The following SCHIP1 variants were observed in gnomAD, a reference collection of about 807,000 sequenced individuals.
The protein encoded by SCHIP1 is schwannomin-interacting protein 1.
SCHIP1 carries 8 observed loss-of-function variants against 29.7 expected under a neutral mutation model. That is an observed-to-expected ratio of 0.27 (90% CI 0.16 to 0.49). SCHIP1 has a LOEUF of 0.49. Among genes scored for constraint, SCHIP1 ranks in the 20% least tolerant of loss-of-function variants. The pLI, the probability that SCHIP1 is intolerant of heterozygous loss-of-function variation, is 0.99. For missense variants in SCHIP1, 193 were observed against 294.6 expected (o/e 0.66, Z 2.52); for synonymous variants, 76 against 94.9 (o/e 0.80, Z 1.16).
At chr3:159,722,013 A>G in the SCHIP1 span, 1 of 349,962 alleles carries the variant, frequency 2.9e-6, no homozygotes, top group Non-Finnish European at 5.6e-6. Flanking sequence ...CCTCTTCTTC[A>G]GCTCTGTCTC....
chr3:159,718,377 G>C, the SCHIP1 span, among the ~76,000 whole-genome samples: 1 of 152,128 alleles, frequency 6.6e-6, no homozygotes, highest in Non-Finnish European at 1.5e-5. Flanking sequence ...GGAATTCCTG[G>C]CCAGGGAAAT....
At chr3:159,751,072 G>A in the SCHIP1 span, among the ~76,000 whole-genome samples, 2 of 151,930 alleles carry the variant, frequency 1.3e-5, no homozygotes, top group African/African-American at 4.8e-5. Context: ...ATACAAACTG[G>A]TTCTAGTACT....
At chr3:159,376,415 A>G in the SCHIP1 span, among the ~76,000 whole-genome samples, 7,396 of 152,222 alleles carry the variant, frequency 0.049, 626 homozygotes, top group African/African-American at 0.17. Context: ...CTATTCTGCC[A>G]ACAGCTGTGG....
the SCHIP1 span, among the ~76,000 whole-genome samples, chr3:159,513,195 G>A: frequency 3.9e-5 from 6 of 152,264 alleles, no homozygotes; most frequent in Middle Eastern, 3.4e-3. Flanking sequence ...ATTCACAATT[G>A]TGGTTACTCT....
chr3:159,826,905 G>A, the SCHIP1 span, among the ~76,000 whole-genome samples: 16 of 152,272 alleles, frequency 1.1e-4, no homozygotes, highest in African/African-American at 3.1e-4. Flanking sequence ...ATTTTACTGC[G>A]TATGAATCTT....
chr3:159,781,958 A>G, the SCHIP1 span, among the ~76,000 whole-genome samples: 1 of 152,238 alleles, frequency 6.6e-6, no homozygotes, highest in Non-Finnish European at 1.5e-5. Flanking sequence ...GCTATTATGT[A>G]TTGAATTTAT....
chr3:159,637,531 C>T, the SCHIP1 span, among the ~76,000 whole-genome samples: 1 of 152,078 alleles, frequency 6.6e-6, no homozygotes, highest in African/African-American at 2.4e-5. Flanking sequence ...AGACATTAGC[C>T]AGGCAGGAAG....
At chr3:159,612,786 A>C in the SCHIP1 span, among the ~76,000 whole-genome samples, 1 of 152,236 alleles carries the variant, frequency 6.6e-6, no homozygotes, top group African/African-American at 2.4e-5. Flanking sequence ...CAGATATCTG[A>C]AAGTCTAAAA....
the SCHIP1 span, among the ~76,000 whole-genome samples, chr3:159,425,696 T>C: frequency 3.9e-5 from 6 of 152,208 alleles, no homozygotes; most frequent in African/African-American, 1.4e-4. Flanking sequence ...GTGGACCTAA[T>C]AGACATCTAC....
the SCHIP1 span, among the ~76,000 whole-genome samples, chr3:159,614,930 C>G: frequency 6.6e-6 from 1 of 152,192 alleles, no homozygotes; most frequent in Non-Finnish European, 1.5e-5. Flanking sequence ...GGTCACAGGA[C>G]AGCCAGGAGA....
chr3:159,332,767 T>C, the SCHIP1 span, among the ~76,000 whole-genome samples: 1 of 152,098 alleles, frequency 6.6e-6, no homozygotes, highest in East Asian at 1.9e-4. Flanking sequence ...ATGAGGGCCT[T>C]GGGGGTGGGC....
At chr3:159,450,985 T>G in the SCHIP1 span, among the ~76,000 whole-genome samples, 1 of 151,964 alleles carries the variant, frequency 6.6e-6, no homozygotes. Context: ...ATTTTTTGTA[T>G]TTTTAGTAGA....
chr3:159,530,328 T>A, the SCHIP1 span, among the ~76,000 whole-genome samples: 10 of 152,220 alleles, frequency 6.6e-5, no homozygotes, highest in East Asian at 1.9e-3. Flanking sequence ...CTCTTCACAA[T>A]ACCTGGACCA....
chr3:159,887,936 T>C (rs527468181), intron 4 of SCHIP1, 31 bp downstream of exon 5: 211 of 1,611,586 alleles, frequency 1.3e-4, no homozygotes, highest in Non-Finnish European at 1.7e-4. Flanking sequence ...TGCAAGGAAG[T>C]GTTTGGGAGC....
At chr3:159,617,593 A>C in the SCHIP1 span, among the ~76,000 whole-genome samples, 1 of 152,136 alleles carries the variant, frequency 6.6e-6, no homozygotes, top group African/African-American at 2.4e-5. Flanking sequence ...ATAATAAAAC[A>C]ATCTTTGTTC....
chr3:159,470,565 T>G, the SCHIP1 span, among the ~76,000 whole-genome samples: 2 of 152,152 alleles, frequency 1.3e-5, no homozygotes, highest in African/African-American at 4.8e-5. Context: ...AAGAAAACTG[T>G]ACAGGCACAC....
the SCHIP1 span, among the ~76,000 whole-genome samples, chr3:159,352,197 T>C: frequency 3.9e-5 from 6 of 152,284 alleles, no homozygotes; most frequent in African/African-American, 1.4e-4. Context: ...TTTTGGGGCA[T>C]ACCCAGGAGT....
At chr3:159,758,914 A>G in the SCHIP1 span, among the ~76,000 whole-genome samples, 1 of 152,344 alleles carries the variant, frequency 6.6e-6, no homozygotes, top group South Asian at 2.1e-4. Context: ...TTGCCAATCT[A>G]CAGATCATTC....
At chr3:159,342,581 AACCAGATTTT>A in the SCHIP1 span, among the ~76,000 whole-genome samples, 1 of 152,210 alleles carries the variant, frequency 6.6e-6, no homozygotes, top group Non-Finnish European at 1.5e-5. Flanking sequence ...CATTTAATGC[AACCAGATTTT>A]AAAGGTTATA....
Sources: gnomAD v4.1 joint callset for allele counts (sites outside exome capture counted in the v4.1 genomes callset) on GRCh38, gnomAD v4.1.1 for gene constraint, MANE v1.5 for transcripts, NCBI Gene and HGNC (gene_info 2026-07-23, HGNC 2026-07-21) for gene names.